The following WDR7 variants were observed in gnomAD, a reference collection of about 807,000 sequenced individuals.
The protein encoded by WDR7 is WD repeat domain 7, also known as WD repeat-containing protein 7.
In WDR7, 46 loss-of-function variants were observed where a neutral mutation model predicts 169.4. The observed-to-expected ratio is 0.27, with a 90% confidence interval of 0.21 to 0.35. WDR7 has a LOEUF of 0.35. WDR7 is among the 10% of genes least tolerant of loss of function. The pLI is 1.00. For missense variants in WDR7, 1,534 were observed against 1,859.3 expected, an observed-to-expected ratio of 0.83 and a Z score of 3.22; for synonymous variants, 612 against 666.8, an observed-to-expected ratio of 0.92 and a Z score of 1.27.
In WDR7 at chr18:56,675,953, G is replaced by A. The variant is rs116637447; in HGVS notation, c.159+3279G>A. Among the ~76,000 whole-genome samples, 540 of 152,182 alleles carry A rather than the reference G, an allele frequency of 3.5e-3. 4 individuals carry two copies. The highest frequency in any genetic ancestry group is 0.013 in the African/African-American group (524 of 41,508). On this transcript the variant is annotated intron_variant, in intron 2 of 27. Transcript: ENST00000254442. ...TCCTGCTTCATCCTCTTGAGTAGCTGGGTCTACAGGTGCACACTACTACAC... is the reference window on the plus strand; with the variant it reads ...TCCTGCTTCATCCTCTTGAGTAGCTAGGTCTACAGGTGCACACTACTACAC...
rs1374867202 is a variant in WDR7, at chr18:56,757,212, G to A, written c.2619G>A (p.Glu873=). 3 of 1,614,120 alleles carry A rather than the reference G, an allele frequency of 1.9e-6. No individual in the cohort carries two copies. Among genetic ancestry groups the A allele is most frequent in the Non-Finnish European group, 1.7e-6 (2 of 1,180,030 alleles). The stretch of plus-strand genomic sequence containing the variant: ...TAGGAAGGAAGCTGCCAGCGTCTGA[G>A]GGAGTAGGAAAGGGAACTTACGGAG... ...TEVGRKLPAS[E]GVGKGTYGVS... is the part of the protein sequence containing the mutation. Residue 873 remains glutamate, a synonymous_variant, in exon 15 of 28, where the codon GAG becomes GAA. Transcript: ENST00000254442.
chr18:56,839,284 T>C (rs2045444437), intron 20 of WDR7, among the ~76,000 whole-genome samples: 1 of 152,198 alleles, frequency 6.6e-6, no homozygotes, highest in South Asian at 2.1e-4. Context: ...GAGAATAATA[T>C]AATGGACGCC....
At chr18:56,798,578 T>C (rs1470293630) in intron 19 of WDR7, among the ~76,000 whole-genome samples, 1 of 152,188 alleles carries the variant, frequency 6.6e-6, no homozygotes, top group Non-Finnish European at 1.5e-5. Flanking sequence ...TTGTTGCCTT[T>C]TCTCCAATTA....
chr18:56,774,323 G>A (rs964650), intron 16 of WDR7, among the ~76,000 whole-genome samples: 146,550 of 152,164 alleles, frequency 0.96, 70,822 homozygotes, highest in East Asian at 1. Context: ...TGTAAGGGGA[G>A]GCCAGGGCAG....
chr18:56,843,415 TTCTGTC>T (rs1480411741), intron 20 of WDR7, among the ~76,000 whole-genome samples: 1 of 152,208 alleles, frequency 6.6e-6, no homozygotes, highest in African/African-American at 2.4e-5. Flanking sequence ...CTGTTCTGCT[TTCTGTC>T]TCTATGAATT....
intron 20 of WDR7, among the ~76,000 whole-genome samples, chr18:56,849,105 C>G (rs540877395): frequency 2.5e-4 from 38 of 152,240 alleles, no homozygotes; most frequent in African/African-American, 8.7e-4. Context: ...CTTCATCTAT[C>G]TCCTTATCTC....
At chr18:57,030,354 A>C (rs772365063), downstream of WDR7, 1 of 152,180 alleles carries the variant, frequency 6.6e-6, no homozygotes, top group African/African-American at 2.4e-5. Context: ...TAACAGTATA[A>C]TTTTCTGTAA....
intron 14 of WDR7, among the ~76,000 whole-genome samples, chr18:56,754,417 A>G (rs1197581947): frequency 7.9e-6 from 1 of 126,566 alleles, no homozygotes. Flanking sequence ...ATATATACAC[A>G]CACAAATATA....
At chr18:56,945,026 G>T (rs950044863) in intron 25 of WDR7, among the ~76,000 whole-genome samples, 4 of 152,028 alleles carry the variant, frequency 2.6e-5, no homozygotes, top group African/African-American at 4.8e-5. Context: ...CTTTTAACCT[G>T]TATGTATTTA....
intron 21 of WDR7, among the ~76,000 whole-genome samples, chr18:56,906,297 G>A (rs1428828238): frequency 6.6e-6 from 1 of 152,152 alleles, no homozygotes; most frequent in Non-Finnish European, 1.5e-5. Context: ...TTCAAGAAAA[G>A]GGGTAGGGGC....
intron 19 of WDR7, among the ~76,000 whole-genome samples, chr18:56,806,769 G>T (rs1263005167): frequency 6.6e-6 from 1 of 152,070 alleles, no homozygotes; most frequent in Non-Finnish European, 1.5e-5. Flanking sequence ...TCTAATCTCT[G>T]GTATAGGGCT....
At chr18:56,998,292 C>T (rs541825077) in intron 26 of WDR7, among the ~76,000 whole-genome samples, 1 of 152,178 alleles carries the variant, frequency 6.6e-6, no homozygotes, top group South Asian at 2.1e-4. Context: ...AGGATTTTCA[C>T]TGGGCATCAC....
At chr18:56,732,527 G>A (rs1598999558) in intron 14 of WDR7, among the ~76,000 whole-genome samples, 1 of 152,150 alleles carries the variant, frequency 6.6e-6, no homozygotes, top group African/African-American at 2.4e-5. Flanking sequence ...GAGTTCGTGC[G>A]TGCTGATGAT....
intron 21 of WDR7, among the ~76,000 whole-genome samples, chr18:56,914,413 T>C (rs1276192210): frequency 3.9e-5 from 6 of 152,224 alleles, no homozygotes; most frequent in African/African-American, 1.4e-4. Flanking sequence ...TTTGTAAATC[T>C]GCACTTAAAA....
chr18:56,819,283 A>C (rs1464097782), intron 20 of WDR7, among the ~76,000 whole-genome samples: 3 of 152,196 alleles, frequency 2.0e-5, no homozygotes, highest in African/African-American at 2.4e-5. Flanking sequence ...AAGAATCTTA[A>C]CTGGAAGAGA....
intron 16 of WDR7, among the ~76,000 whole-genome samples, chr18:56,775,769 T>C (rs561813750): frequency 1.3e-5 from 2 of 152,176 alleles, no homozygotes; most frequent in South Asian, 4.1e-4. Flanking sequence ...GTGGAAATTA[T>C]GAAAAAGTTG....
At chr18:56,965,353 C>T (rs1045175022) in intron 26 of WDR7, among the ~76,000 whole-genome samples, 3 of 151,874 alleles carry the variant, frequency 2.0e-5, no homozygotes, top group African/African-American at 7.3e-5. Context: ...TCATATATGT[C>T]CCCTGTTGTC....
chr18:56,855,473 C>T (rs2045706536), intron 20 of WDR7, among the ~76,000 whole-genome samples: 1 of 152,094 alleles, frequency 6.6e-6, no homozygotes, highest in Admixed American at 6.5e-5. Context: ...CTTATGCCAT[C>T]ATATTTATTT....
chr18:56,717,911 C>A, intron 12 of WDR7, 53 bp from the exon 13 acceptor site: 1 of 1,461,588 alleles, frequency 6.8e-7, no homozygotes, highest in South Asian at 1.6e-5. Flanking sequence ...AAACAGGATC[C>A]ATTTTATTCT....
Sources: gnomAD v4.1 joint callset for allele counts (sites outside exome capture counted in the v4.1 genomes callset) on GRCh38, gnomAD v4.1.1 for gene constraint, MANE v1.5 for transcripts, NCBI Gene and HGNC (gene_info 2026-07-23, HGNC 2026-07-21) for gene names.